GPM6A: variants seen among roughly 807,000 people sequenced by gnomAD.
GPM6A encodes glycoprotein M6A.
In GPM6A, 7 loss-of-function variants were observed where a neutral mutation model predicts 32.1. The ratio of observed to expected loss-of-function variants is 0.22; its 90% CI spans 0.12 to 0.41. The LOEUF (loss-of-function observed/expected upper bound fraction) is 0.41. Among genes scored for constraint, GPM6A ranks in the 10% least tolerant of loss-of-function variants. The probability of loss-of-function intolerance (pLI) is 1.00; values close to 1 mark genes in which losing one functional copy is unlikely to be tolerated. For missense variants in GPM6A, 235 were observed against 347.2 expected (o/e 0.68, Z 2.57); for synonymous variants, 130 against 123.4 (o/e 1.05, Z -0.35).
At chr4:175,714,450 C>T (rs1231323577) in intron 1 of GPM6A, among the ~76,000 whole-genome samples, 1 of 151,966 alleles carries the variant, frequency 6.6e-6, no homozygotes, top group African/African-American at 2.4e-5. Flanking sequence ...GTGGTGTGAT[C>T]GTAGCTCACT....
At chr4:175,670,901 T>C (rs1743023502) in intron 3 of GPM6A, among the ~76,000 whole-genome samples, 1 of 149,666 alleles carries the variant, frequency 6.7e-6, no homozygotes, top group South Asian at 2.1e-4. Context: ...TCTTGCTCTG[T>C]CGCCCAGGCT....
intron 3 of GPM6A, among the ~76,000 whole-genome samples, chr4:175,654,516 C>G (rs965160521): frequency 1.3e-5 from 2 of 152,022 alleles, no homozygotes; most frequent in Admixed American, 6.6e-5. Context: ...ACTCTTGCTA[C>G]ATATATTTTG....
chr4:175,656,301 C>A (rs971218311), intron 3 of GPM6A, among the ~76,000 whole-genome samples: 4 of 151,864 alleles, frequency 2.6e-5, no homozygotes, highest in African/African-American at 9.7e-5. Flanking sequence ...TTCCATTATC[C>A]CATAATCATT....
At chr4:175,716,828 C>A (rs979692670) in intron 1 of GPM6A, among the ~76,000 whole-genome samples, 1 of 152,104 alleles carries the variant, frequency 6.6e-6, no homozygotes, top group East Asian at 1.9e-4. Context: ...AAGTTATTTA[C>A]TAGTATTTAA....
At chr4:175,799,946 T>G (rs1734407095) in intron 1 of GPM6A, among the ~76,000 whole-genome samples, 1 of 152,176 alleles carries the variant, frequency 6.6e-6, no homozygotes, top group African/African-American at 2.4e-5. Context: ...AAAACACTAT[T>G]GATAAGGATA....
intron 1 of GPM6A, among the ~76,000 whole-genome samples, chr4:175,887,048 G>A (rs1737483061): frequency 6.6e-6 from 1 of 151,856 alleles, no homozygotes. Flanking sequence ...AAAAGTCATT[G>A]TTATAGAATA....
intron 1 of GPM6A, among the ~76,000 whole-genome samples, chr4:175,715,443 C>T (rs1483368693): frequency 6.6e-6 from 1 of 152,136 alleles, no homozygotes; most frequent in African/African-American, 2.4e-5. Flanking sequence ...CTTCCTTGCA[C>T]GTACGGCACC....
chr4:175,740,372 A>C (rs1731842135), intron 1 of GPM6A, among the ~76,000 whole-genome samples: 1 of 152,108 alleles, frequency 6.6e-6, no homozygotes, highest in African/African-American at 2.4e-5. Flanking sequence ...TCAGCATTAC[A>C]TGCAAATTAT....
At chr4:175,721,148 A>AATATATATATATATATATATATATATAT (rs3032644) in intron 1 of GPM6A, among the ~76,000 whole-genome samples, 4 of 135,214 alleles carry the variant, frequency 3.0e-5, no homozygotes, top group Admixed American at 8.0e-5. Flanking sequence ...TATATATTCT[A>AATATATATATATATATATATATATATAT]ATATATATAT....
intron 1 of GPM6A, among the ~76,000 whole-genome samples, chr4:175,765,181 T>G (rs1357428211): frequency 6.6e-6 from 1 of 152,062 alleles, no homozygotes; most frequent in Non-Finnish European, 1.5e-5. Flanking sequence ...GGCTGCCTGG[T>G]AGCCATTCTT....
chr4:175,729,985 T>C (rs1243838751), intron 1 of GPM6A, among the ~76,000 whole-genome samples: 1 of 149,866 alleles, frequency 6.7e-6, no homozygotes, highest in Non-Finnish European at 1.5e-5. Flanking sequence ...TCTCCTGATA[T>C]CTAAAGATCC....
intron 1 of GPM6A, among the ~76,000 whole-genome samples, chr4:175,974,958 A>G (rs1740616228): frequency 6.6e-6 from 1 of 152,204 alleles, no homozygotes; most frequent in Non-Finnish European, 1.5e-5. Context: ...TGCTGGGATT[A>G]CAGGCATGAG....
chr4:175,941,969 C>T (rs141609868), intron 1 of GPM6A, among the ~76,000 whole-genome samples: 2,801 of 152,270 alleles, frequency 0.018, 74 homozygotes, highest in African/African-American at 0.062. Flanking sequence ...TCTTCCACAA[C>T]GGTTGAACTA....
At chr4:175,838,514 G>C (rs1735841492) in intron 1 of GPM6A, among the ~76,000 whole-genome samples, 2 of 151,372 alleles carry the variant, frequency 1.3e-5, no homozygotes, top group Non-Finnish European at 1.5e-5. Flanking sequence ...CTCCAATAAA[G>C]CAGTACTGAA....
chr4:175,732,198 CT>C (rs148205201), intron 1 of GPM6A, among the ~76,000 whole-genome samples: 7,920 of 152,064 alleles, frequency 0.052, 602 homozygotes, highest in East Asian at 0.4. Flanking sequence ...ATCTCCTGAC[CT>C]CGTGATCCGC....
At chr4:175,748,394 C>T (rs190064171) in intron 1 of GPM6A, among the ~76,000 whole-genome samples, 7 of 152,298 alleles carry the variant, frequency 4.6e-5, no homozygotes, top group South Asian at 2.1e-4. Context: ...CCTTGATCCA[C>T]GGGTTTCAAA....
intron 1 of GPM6A, chr4:175,891,697 G>GA: frequency 6.6e-6 from 1 of 152,300 alleles, no homozygotes; most frequent in Non-Finnish European, 1.5e-5. Context: ...GAAGCTGTAA[G>GA]AGAGAAAAGA....
chr4:175,746,297 C>T (rs1732101449), intron 1 of GPM6A, among the ~76,000 whole-genome samples: 1 of 152,098 alleles, frequency 6.6e-6, no homozygotes, highest in Non-Finnish European at 1.5e-5. Flanking sequence ...TCACTTTCTG[C>T]AGCTCCTCTT....
chr4:175,671,430 C>CT (rs1218964955), intron 3 of GPM6A, among the ~76,000 whole-genome samples: 1 of 107,458 alleles, frequency 9.3e-6, no homozygotes, highest in Non-Finnish European at 1.7e-5. Flanking sequence ...AACAGGTTCA[C>CT]TTTGAACATA....
Sources: allele counts gnomAD v4.1 joint callset (sites outside exome capture counted in the v4.1 genomes callset), GRCh38; gene constraint gnomAD v4.1.1; transcripts MANE v1.5; gene names NCBI Gene and HGNC (gene_info 2026-07-23, HGNC 2026-07-21).